The following VWC2L variants were observed in gnomAD, a reference collection of about 807,000 sequenced individuals.
VWC2L encodes von Willebrand factor C domain containing 2 like.
VWC2L carries 10 observed loss-of-function variants against 21.6 expected under a neutral mutation model. The observed-to-expected ratio is 0.46, with a 90% CI of 0.29 to 0.78. The LOEUF (loss-of-function observed/expected upper bound fraction) is 0.78, where lower values mean the gene tolerates loss of function less well. Among genes scored for constraint, VWC2L ranks in the 30% least tolerant of loss-of-function variants. The pLI is 0.10. For synonymous variants in VWC2L, 96 were observed against 94.3 expected (o/e 1.02, Z -0.10); for missense variants, 209 against 277.1 (o/e 0.75, Z 1.74).
At chr2:214,559,770 T>A (rs1479566609) in intron 3 of VWC2L, among the ~76,000 whole-genome samples, 2 of 152,142 alleles carry the variant, frequency 1.3e-5, no homozygotes, top group Admixed American at 6.6e-5. Context: ...CCCAGCTAAT[T>A]TTTTTAAAAA....
intron 2 of VWC2L, among the ~76,000 whole-genome samples, chr2:214,415,762 G>A (rs1702345194): frequency 6.6e-6 from 1 of 152,078 alleles, no homozygotes; most frequent in Non-Finnish European, 1.5e-5. Context: ...CCAGTCATTG[G>A]AACTAGATTC....
chr2:214,460,275 G>A (rs910807012), intron 3 of VWC2L, among the ~76,000 whole-genome samples: 1 of 152,146 alleles, frequency 6.6e-6, no homozygotes, highest in Non-Finnish European at 1.5e-5. Context: ...GGAGGTTTCT[G>A]AGCTTTTTGT....
intron 3 of VWC2L, among the ~76,000 whole-genome samples, chr2:214,516,087 T>G (rs1689137160): frequency 6.6e-6 from 1 of 152,156 alleles, no homozygotes; most frequent in Non-Finnish European, 1.5e-5. Context: ...TGAGAGTCTA[T>G]TATTTTCATC....
intron 3 of VWC2L, among the ~76,000 whole-genome samples, chr2:214,556,203 T>G (rs1259082062): frequency 2.0e-5 from 3 of 152,196 alleles, no homozygotes; most frequent in Non-Finnish European, 4.4e-5. Context: ...GAGGTTGCAA[T>G]GAACCGAGAC....
In VWC2L at chr2:214,484,847, CATG is replaced by C. The variant is rs1282462392; in HGVS notation, c.520+48092_520+48094del. On this transcript the variant is annotated intron_variant, in intron 3 of 3. Coordinates refer to ENST00000312504, the MANE Select transcript of VWC2L (RefSeq NM_001080500.4). ...AAATGTTCTCACAAGTTCTTGGCATCATGATAATGTTGATATCAAAATTCCATA... is the reference window on the plus strand; with the variant it reads ...AAATGTTCTCACAAGTTCTTGGCATCATAATGTTGATATCAAAATTCCATA... Among the ~76,000 whole-genome samples the C allele has an allele frequency of 5.9e-5, 9 of 152,262 alleles. No homozygotes were observed. The East Asian group carries it at 7.7e-4, about 13-fold the overall frequency.
At chr2:214,457,113 G>A (rs1213886826) in intron 3 of VWC2L, among the ~76,000 whole-genome samples, 4 of 151,976 alleles carry the variant, frequency 2.6e-5, no homozygotes, top group East Asian at 3.9e-4. Context: ...AATGTTATTT[G>A]TATTTTGAAA....
intron 3 of VWC2L, among the ~76,000 whole-genome samples, chr2:214,456,687 C>T (rs1442139091): frequency 6.6e-6 from 1 of 152,036 alleles, no homozygotes; most frequent in Non-Finnish European, 1.5e-5. Flanking sequence ...CCTATGATTT[C>T]TTCTACTAGT....
chr2:214,491,337 G>C (rs1688743049), intron 3 of VWC2L, among the ~76,000 whole-genome samples: 1 of 152,106 alleles, frequency 6.6e-6, no homozygotes, highest in Non-Finnish European at 1.5e-5. Context: ...GGTAATGTTT[G>C]GTTCATGCGT....
At chr2:214,539,407 C>T (rs1574625672) in intron 3 of VWC2L, among the ~76,000 whole-genome samples, 1 of 152,116 alleles carries the variant, frequency 6.6e-6, no homozygotes, top group Non-Finnish European at 1.5e-5. Flanking sequence ...CATTAGTTGA[C>T]TGTCAGTATA....
rs763313708 is a variant in VWC2L at position 214,529,478 on chromosome 2, C to T, written c.521-46194C>T. The stretch of plus-strand genomic sequence containing the variant: ...AAGAAAACTACGGAAACTCAATGAC[C>T]AAACTCTGTTTTCTCCTTTATTTTT... On this transcript the variant is annotated intron_variant, in intron 3 of 3. Transcript: ENST00000312504. Among the ~76,000 whole-genome samples the T allele has an allele frequency of 6.6e-5, 10 of 152,128 alleles. 1 individual carries two copies. The highest frequency in any genetic ancestry group is 1.3e-4 in the Non-Finnish European group (9 of 68,008).
At chr2:214,502,838 C>G (rs1038798510) in intron 3 of VWC2L, among the ~76,000 whole-genome samples, 1 of 152,130 alleles carries the variant, frequency 6.6e-6, no homozygotes, top group Non-Finnish European at 1.5e-5. Flanking sequence ...CTTTCTCATC[C>G]CTTCCATTTT....
At chr2:214,422,037 G>A (rs1176296262) in intron 2 of VWC2L, among the ~76,000 whole-genome samples, 5 of 150,898 alleles carry the variant, frequency 3.3e-5, no homozygotes, top group African/African-American at 4.9e-5. Flanking sequence ...TTACAGGCGC[G>A]TGCCACCATG....
At chr2:214,539,199 T>C (rs1243963269) in intron 3 of VWC2L, among the ~76,000 whole-genome samples, 1 of 152,116 alleles carries the variant, frequency 6.6e-6, no homozygotes, top group South Asian at 2.1e-4. Context: ...TTGACAACAT[T>C]GCAAAGGGGA....
At chr2:214,513,193 T>A (rs754514069) in intron 3 of VWC2L, among the ~76,000 whole-genome samples, 6 of 152,132 alleles carry the variant, frequency 3.9e-5, no homozygotes, top group Non-Finnish European at 5.9e-5. Flanking sequence ...AAGTGATTAC[T>A]GTCGGGTCAA....
At chr2:214,463,559 G>GT (rs1703172947) in intron 3 of VWC2L, among the ~76,000 whole-genome samples, 1 of 151,966 alleles carries the variant, frequency 6.6e-6, no homozygotes, top group South Asian at 2.1e-4. Flanking sequence ...ACCCACTTAT[G>GT]TTTAATGTGA....
intron 3 of VWC2L, among the ~76,000 whole-genome samples, chr2:214,522,313 T>G (rs1689255361): frequency 1.4e-5 from 2 of 141,952 alleles, no homozygotes; most frequent in African/African-American, 5.3e-5. Flanking sequence ...AGGCGGAGCT[T>G]GCAGTGAGCC....
intron 2 of VWC2L, among the ~76,000 whole-genome samples, chr2:214,428,122 G>T (rs1045135135): frequency 2.6e-5 from 4 of 152,150 alleles, no homozygotes; most frequent in African/African-American, 4.8e-5. Flanking sequence ...AGTGGGGAAG[G>T]AAACTCTGAC....
At chr2:214,422,557 G>C (rs1375389461) in intron 2 of VWC2L, among the ~76,000 whole-genome samples, 2 of 152,130 alleles carry the variant, frequency 1.3e-5, no homozygotes, top group African/African-American at 4.8e-5. Context: ...ACTAAGAGGA[G>C]AGTTGAAGTG....
At chr2:214,467,747 A>G (rs1703240329) in intron 3 of VWC2L, among the ~76,000 whole-genome samples, 1 of 152,322 alleles carries the variant, frequency 6.6e-6, no homozygotes, top group African/African-American at 2.4e-5. Context: ...CGTAATATTC[A>G]TTGTCCCTAA....
Sources: allele counts gnomAD v4.1 joint callset (sites outside exome capture counted in the v4.1 genomes callset), GRCh38; gene constraint gnomAD v4.1.1; transcripts MANE v1.5; gene names NCBI Gene and HGNC (gene_info 2026-07-23, HGNC 2026-07-21).